TARP: variants seen among roughly 807,000 people sequenced by gnomAD.
the TARP span, among the ~76,000 whole-genome samples, chr7:38,261,469 G>C: frequency 6.6e-6 from 1 of 151,480 alleles, no homozygotes; most frequent in African/African-American, 2.4e-5. Flanking sequence ...TGTGTAAAAA[G>C]CACTTGATAA....
At chr7:38,262,225 G>T in the TARP span, 2 of 1,606,166 alleles carry the variant, frequency 1.2e-6, no homozygotes, top group Non-Finnish European at 1.7e-6. Flanking sequence ...ACATCTAGAA[G>T]AATGAGAGCA....
the TARP span, among the ~76,000 whole-genome samples, chr7:38,271,752 A>G: frequency 6.6e-6 from 1 of 151,516 alleles, no homozygotes; most frequent in Non-Finnish European, 1.5e-5. Context: ...GGACGCTTTG[A>G]CCTGAGATGC....
the TARP span, among the ~76,000 whole-genome samples, chr7:38,269,064 A>G: frequency 7.9e-5 from 12 of 151,998 alleles, no homozygotes; most frequent in East Asian, 5.8e-4. Flanking sequence ...CTAAGCAGTG[A>G]GTGGTGGAGC....
the TARP span, among the ~76,000 whole-genome samples, chr7:38,261,342 G>A: frequency 6.6e-6 from 1 of 151,404 alleles, no homozygotes; most frequent in Admixed American, 6.6e-5. Flanking sequence ...ACATGTATAG[G>A]GATTTTTATA....
At chr7:38,266,717 C>T in the TARP span, among the ~76,000 whole-genome samples, 2 of 151,734 alleles carry the variant, frequency 1.3e-5, no homozygotes, top group African/African-American at 2.4e-5. Flanking sequence ...ATACCATGAG[C>T]AGTCCCCCTA....
the TARP span, chr7:38,262,132 C>T: frequency 2.5e-6 from 4 of 1,578,436 alleles, no homozygotes; most frequent in Middle Eastern, 3.4e-4. Flanking sequence ...AAGTTCAAAA[C>T]AAAATGATCA....
At chr7:38,265,326 A>G in the TARP span, 2 of 1,558,752 alleles carry the variant, frequency 1.3e-6, no homozygotes, top group Non-Finnish European at 1.8e-6. Flanking sequence ...GTGTTCTGAC[A>G]GATGATATGC....
the TARP span, among the ~76,000 whole-genome samples, chr7:38,261,371 A>G: frequency 6.6e-6 from 1 of 151,604 alleles, no homozygotes; most frequent in African/African-American, 2.4e-5. Flanking sequence ...CTTTAAAGGG[A>G]CTGTAAATTG....
At chr7:38,260,852 G>T in the TARP span, among the ~76,000 whole-genome samples, 2 of 151,770 alleles carry the variant, frequency 1.3e-5, no homozygotes, top group Non-Finnish European at 2.9e-5. Flanking sequence ...TGCCCTCCTT[G>T]CCTGGTGTGG....
chr7:38,268,673 A>C, the TARP span, among the ~76,000 whole-genome samples: 1 of 151,686 alleles, frequency 6.6e-6, no homozygotes, highest in Non-Finnish European at 1.5e-5. Context: ...AAAATAAAAA[A>C]CAGACATCTT....
chr7:38,262,240 C>T, the TARP span: 2 of 1,585,246 alleles, frequency 1.3e-6, no homozygotes, highest in East Asian at 4.5e-5. Context: ...AGAGCAAGTA[C>T]TAGTCAATTG....
At chr7:38,265,418 A>T in the TARP span, 2 of 1,612,226 alleles carry the variant, frequency 1.2e-6, no homozygotes, top group South Asian at 1.1e-5. Flanking sequence ...CTGACGATAC[A>T]TCTGTGTTCT....
the TARP span, among the ~76,000 whole-genome samples, chr7:38,272,016 A>C: frequency 6.6e-6 from 1 of 151,298 alleles, no homozygotes; most frequent in African/African-American, 2.4e-5. Flanking sequence ...CTTAAACATA[A>C]ATTTTCTCTT....
chr7:38,265,565 G>A, the TARP span: 2 of 1,611,970 alleles, frequency 1.2e-6, no homozygotes, highest in South Asian at 1.1e-5. Context: ...ATAACATCAG[G>A]GAAAAATTTC....
the TARP span, chr7:38,259,653 T>C: frequency 6.2e-6 from 1 of 160,938 alleles, no homozygotes; most frequent in African/African-American, 2.4e-5. Flanking sequence ...AACTTTTCAT[T>C]TTTTTAAATT....
the TARP span, among the ~76,000 whole-genome samples, chr7:38,272,999 C>T: frequency 4.5e-3 from 674 of 151,220 alleles, 6 homozygotes; most frequent in African/African-American, 0.016. Flanking sequence ...TTCAGTGGAT[C>T]TAACAGACTA....
At chr7:38,263,215 A>ATT in the TARP span, among the ~76,000 whole-genome samples, 18,202 of 139,210 alleles carry the variant, frequency 0.13, no homozygotes, top group African/African-American at 0.25. Context: ...CTTCCCATGC[A>ATT]TTTTTTGTTT....
the TARP span, among the ~76,000 whole-genome samples, chr7:38,272,354 A>C: frequency 6.7e-6 from 1 of 149,378 alleles, no homozygotes; most frequent in African/African-American, 2.5e-5. Flanking sequence ...ACTTTAGATA[A>C]ATAATCTCCA....
the TARP span, chr7:38,269,408 A>G: frequency 1.5e-6 from 1 of 666,188 alleles, no homozygotes. Context: ...TCTTTTTTCT[A>G]AACATTATTA....
Sources: gnomAD v4.1 joint callset for allele counts (sites outside exome capture counted in the v4.1 genomes callset) on GRCh38, gnomAD v4.1.1 for gene constraint, MANE v1.5 for transcripts.